Variants in AKNAD1 observed in about 807,000 individuals in gnomAD.
AKNAD1 encodes protein AKNAD1.
A neutral mutation model predicts 90.8 loss-of-function variants in AKNAD1; 67 were observed. The ratio of observed to expected loss-of-function variants is 0.74; its 90% confidence interval spans 0.61 to 0.90. The LOEUF (loss-of-function observed/expected upper bound fraction) is 0.90. Ranked by LOEUF, AKNAD1 falls within the 40% of genes least tolerant of loss-of-function variation. The pLI is 0.00. For missense variants in AKNAD1, 957 were observed against 975.4 expected (o/e 0.98, Z 0.25); for synonymous variants, 327 against 341.4 (o/e 0.96, Z 0.46).
At chr1:108,827,994 G>A (rs927918308) in intron 10 of AKNAD1, among the ~76,000 whole-genome samples, 4 of 151,580 alleles carry the variant, frequency 2.6e-5, no homozygotes, top group African/African-American at 4.8e-5. Context: ...GCTCATGCCT[G>A]TAATCCCAGC....
chr1:108,839,525 G>C (rs1664476642), intron 6 of AKNAD1, among the ~76,000 whole-genome samples: 1 of 148,368 alleles, frequency 6.7e-6, no homozygotes, highest in Non-Finnish European at 1.5e-5. Flanking sequence ...TTCAACGTTA[G>C]TATATTTATT....
At chr1:108,828,591 C>A (rs369103323) in intron 10 of AKNAD1, among the ~76,000 whole-genome samples, 4 of 151,830 alleles carry the variant, frequency 2.6e-5, no homozygotes, top group Non-Finnish European at 5.9e-5. Flanking sequence ...ACATGCTCGC[C>A]GCGCTGTGCC....
At position 108,851,722 on chromosome 1, in the gene AKNAD1, G is replaced by GT. The variant is rs1188428844; in HGVS notation, c.942dup (p.Gln315ThrfsTer11). 1 of 1,601,534 alleles carries GT rather than the reference G, an allele frequency of 6.2e-7. No homozygotes were observed. The highest frequency in any genetic ancestry group is 1.4e-5 in the African/African-American group (1 of 73,976). ...ATTTTCCCTTTCTGCTCTTGATGTT[G>GT]TTTTTCAACACAGTTTGACTCAGGC... On this transcript the variant is annotated frameshift_variant, in exon 2 of 16. Coordinates refer to ENST00000370001, the MANE Select transcript of AKNAD1 (RefSeq NM_152763.5). LOFTEE classifies it high-confidence loss of function.
rs1042979375 is a variant in AKNAD1, at chr1:108,852,772, G to A, written c.-103-5C>T. 52 of 1,014,346 alleles carry A rather than the reference G, an allele frequency of 5.1e-5. No homozygotes were observed. The highest frequency in any genetic ancestry group is 6.8e-5 in the Non-Finnish European group (49 of 719,330). The allele number at this position is 1,014,346 out of a possible 1,614,324, so 62.8% of individuals were successfully genotyped here. A position where few individuals can be genotyped will look rare whatever the true frequency, so the allele number is the denominator to read the frequency against. On this transcript the variant is annotated splice_region_variant and splice_polypyrimidine_tract_variant and intron_variant, in intron 1 of 15. Transcript: ENST00000370001. ...CTGTCTTCACTGTGTGCTATTCTGT[G>A]TGAAATGAGAACAGCCTCATTGTTA...
rs774273707 is a variant in AKNAD1 at position 108,849,560 on chromosome 1, T to C, written c.1010A>G (p.His337Arg). ...ACCTGTGAGAAGTTCTTGGTGGATA[T>C]GTACTATGGGCTCCATCTGCACAAT... ...SQQIQMEPIV[H>R]IHQELLTGIE... is the part of the protein sequence containing the mutation. The change falls in exon 3 of 16, where the codon CAT becomes CGT. Residue 337 changes from histidine to arginine, a missense_variant. His to Arg is a conservative substitution (Grantham distance 29). Transcript: ENST00000370001. 35 of 1,596,302 alleles carry C rather than the reference T, an allele frequency of 2.2e-5. No homozygotes were observed. The South Asian group carries it at 3.0e-4, about 14-fold the overall frequency.
chr1:108,830,477 G>C, intron 10 of AKNAD1, 82 bp downstream of exon 10: 1 of 1,357,708 alleles, frequency 7.4e-7, no homozygotes, highest in South Asian at 1.2e-5. Context: ...GCCTCAGTTA[G>C]TTGCCGCCCA....
chr1:108,851,808 G>A lies in AKNAD1; in HGVS notation c.857C>T (p.Ala286Val), dbSNP rs1664872659. The change falls in exon 2 of 16, where the codon GCC (alanine) becomes GTC (valine). Residue 286 changes from alanine to valine, a missense_variant. Physicochemically the swap from Ala to Val is moderately conservative, Grantham distance 64. Transcript: ENST00000370001. ...INKPLAIAKQ[A>V]SFSSKSRDKP... ...ATCTCTCGACTTGGAAGAAAAGCTGGCTTGTTTAGCTATTGCAAGTGGTTT... is the reference window on the plus strand; with the variant it reads ...ATCTCTCGACTTGGAAGAAAAGCTGACTTGTTTAGCTATTGCAAGTGGTTT... The A allele has an allele frequency of 2.5e-6, 4 of 1,614,118 alleles. No individual in the cohort carries two copies. The highest frequency in any genetic ancestry group is 1.3e-5 in the African/African-American group (1 of 75,034).
At chr1:108,827,813 C>A (rs368396338) in intron 10 of AKNAD1, among the ~76,000 whole-genome samples, 940 of 114,660 alleles carry the variant, frequency 8.2e-3, no homozygotes, top group Non-Finnish European at 9.1e-3. Context: ...GACTCCTACT[C>A]AAAAAAAAAA....
intron 13 of AKNAD1, 120 bp from the exon 14 acceptor site, chr1:108,820,746 A>G: frequency 1.7e-6 from 1 of 605,872 alleles, no homozygotes; most frequent in Non-Finnish European, 2.8e-6. Flanking sequence ...TTAATAAATC[A>G]GAAAACTGGG....
intron 11 of AKNAD1, among the ~76,000 whole-genome samples, chr1:108,824,604 C>A (rs1243205362): frequency 1.3e-5 from 2 of 151,682 alleles, no homozygotes; most frequent in African/African-American, 2.4e-5. Context: ...TTTACAAATT[C>A]TTTAACGTGC....
At chr1:108,834,384 T>C in intron 9 of AKNAD1, 63 bp downstream of exon 9, 3 of 1,365,070 alleles carry the variant, frequency 2.2e-6, no homozygotes, top group Non-Finnish European at 3.1e-6. Context: ...TCAGCAACAC[T>C]GGTTTTAGTT....
intron 1 of AKNAD1, among the ~76,000 whole-genome samples, chr1:108,853,165 T>C (rs866469170): frequency 7.4e-6 from 1 of 135,360 alleles, no homozygotes; most frequent in South Asian, 2.3e-4. Context: ...GGAGTCTCGC[T>C]CTGTCGCCCA....
chr1:108,851,901 T>C lies in AKNAD1; in HGVS notation c.764A>G (p.His255Arg). The C allele has an allele frequency of 1.2e-6, 2 of 1,614,160 alleles. No individual in the cohort carries two copies. The highest frequency in any genetic ancestry group is 8.5e-7 in the Non-Finnish European group (1 of 1,179,998). Residue 255 changes from histidine to arginine, a missense_variant, in exon 2 of 16, where the codon CAT becomes CGT. Transcript: ENST00000370001. Reference sequence around the variant, plus strand: ...CTTAGAGAAATCAGGGAGCTGGTAATGAACTTGACCTTGGCCGTATTTGAA... The same window carrying C: ...CTTAGAGAAATCAGGGAGCTGGTAACGAACTTGACCTTGGCCGTATTTGAA... ...NTFKYGQGQV[H>R]YQLPDFSKIA...
Position 108,849,582 on chromosome 1 carries a change from C to T in AKNAD1, c.994-6G>A, listed in dbSNP as rs1664792187. ...ATATGTACTATGGGCTCCATCTGCA[C>T]AATTAAAGGGTAAGAAAACGTTACT... On this transcript the variant is annotated splice_polypyrimidine_tract_variant and splice_region_variant and intron_variant, in intron 2 of 15. Coordinates refer to ENST00000370001, the MANE Select transcript of AKNAD1 (RefSeq NM_152763.5). The T allele has an allele frequency of 6.3e-7, 1 of 1,592,262 alleles. No individual in the cohort carries two copies. Among genetic ancestry groups the T allele is most frequent in the African/African-American group, 1.3e-5 (1 of 74,364 alleles).
At chr1:108,842,869 A>C (rs1345247002) in intron 6 of AKNAD1, among the ~76,000 whole-genome samples, 1 of 151,998 alleles carries the variant, frequency 6.6e-6, no homozygotes, top group Non-Finnish European at 1.5e-5. Context: ...CAAATTGCAA[A>C]ATTTTGGTAC....
rs71655968 is a variant in AKNAD1 at position 108,844,129 on chromosome 1, G to A, written c.1246-862C>T. ...TATAATCCCAGCACTTTGGGAGGCC[G>A]AAGTGGGCAGATCATTTTAGGTCAT... is the stretch of plus-strand genomic sequence containing the variant. On this transcript the variant is annotated intron_variant, in intron 5 of 15. Transcript: ENST00000370001. Among the ~76,000 whole-genome samples, 1,056 of 152,278 alleles carry A rather than the reference G, an allele frequency of 6.9e-3. 4 individuals carry two copies. The highest frequency in any genetic ancestry group is 0.01 in the Non-Finnish European group (699 of 68,022).
chr1:108,822,725 G>T (rs570219237), intron 13 of AKNAD1, among the ~76,000 whole-genome samples: 7 of 152,258 alleles, frequency 4.6e-5, no homozygotes, highest in African/African-American at 1.7e-4. Context: ...TCGTTCAGTG[G>T]TAAAACTAGG....
intron 1 of AKNAD1, among the ~76,000 whole-genome samples, chr1:108,856,066 C>T (rs937556285): frequency 9.9e-5 from 15 of 151,482 alleles, no homozygotes; most frequent in Admixed American, 2.6e-4. Context: ...TTATTCAGGA[C>T]GGTCTCGAAC....
Position 108,834,507 on chromosome 1 carries a change from T to C in AKNAD1, c.1686A>G (p.Gly562=), listed in dbSNP as rs756398873. ...CTGGCTTGTTCTGGGCAGCTGCATCTCCATAATGACCGTTTAGGTAACTAA... is the reference window on the plus strand; with the variant it reads ...CTGGCTTGTTCTGGGCAGCTGCATCCCCATAATGACCGTTTAGGTAACTAA... ...APQTYLNGHY[G]DAAAQNKPDQ... Residue 562 remains glycine (G), a synonymous_variant, in exon 9 of 16, where the codon GGA becomes GGG. Transcript: ENST00000370001. 1.2e-6 allele frequency: 2 copies of C among 1,606,634 alleles called. No homozygotes were observed. Among genetic ancestry groups the C allele is most frequent in the Non-Finnish European group, 1.7e-6 (2 of 1,177,782 alleles).
Sources: allele counts gnomAD v4.1 joint callset (sites outside exome capture counted in the v4.1 genomes callset), GRCh38; gene constraint gnomAD v4.1.1; transcripts MANE v1.5; gene names NCBI Gene and HGNC (gene_info 2026-07-23, HGNC 2026-07-21).